The following ITGA9 variants were observed in gnomAD, a reference collection of about 807,000 sequenced individuals.
ITGA9 encodes the protein integrin alpha-9.
In ITGA9, 56 loss-of-function variants were observed where a neutral mutation model predicts 127.8. The ratio of observed to expected loss-of-function variants is 0.44; its 90% CI spans 0.35 to 0.55. The LOEUF (loss-of-function observed/expected upper bound fraction) is 0.55, where lower values mean the gene tolerates loss of function less well. Ranked by LOEUF, ITGA9 falls within the 20% of genes least tolerant of loss-of-function variation. ITGA9 has a pLI of 0.00. For synonymous variants in ITGA9, 508 were observed against 514.5 expected, an observed-to-expected ratio of 0.99 and a Z score of 0.17; for missense variants, 1,196 against 1,347.1, an observed-to-expected ratio of 0.89 and a Z score of 1.76.
At chr3:37,524,531 G>T (rs1699074304) in intron 12 of ITGA9, among the ~76,000 whole-genome samples, 1 of 152,186 alleles carries the variant, frequency 6.6e-6, no homozygotes, top group African/African-American at 2.4e-5. Context: ...TCCCAAGAAA[G>T]ACCCTTGTGG....
chr3:37,742,359 C>T (rs1049424404), intron 21 of ITGA9, among the ~76,000 whole-genome samples: 2 of 152,278 alleles, frequency 1.3e-5, no homozygotes, highest in African/African-American at 2.4e-5. Flanking sequence ...CTGGAATGGG[C>T]AGGGAACCAT....
At chr3:37,473,136 C>CAAAAAAAAAAAAAAAAA (rs36109791) in intron 2 of ITGA9, among the ~76,000 whole-genome samples, 6 of 70,776 alleles carry the variant, frequency 8.5e-5, no homozygotes, top group African/African-American at 2.4e-4. Context: ...GAGACTGTCT[C>CAAAAAAAAAAAAAAAAA]AAAAAAAAAA....
intron 15 of ITGA9, among the ~76,000 whole-genome samples, chr3:37,546,664 G>A (rs1205972046): frequency 6.6e-6 from 1 of 152,200 alleles, no homozygotes; most frequent in Admixed American, 6.5e-5. Flanking sequence ...TACTTGTCAG[G>A]CAGAACCTTG....
chr3:37,810,662 C>G (rs1372401290), intron 27 of ITGA9, among the ~76,000 whole-genome samples: 1 of 151,974 alleles, frequency 6.6e-6, no homozygotes, highest in African/African-American at 2.4e-5. Flanking sequence ...GTGATCCACC[C>G]ACCTTGGCCT....
At position 37,818,510 on chromosome 3, in the gene ITGA9, G is replaced by C. The variant is rs568929367; in HGVS notation, c.3010-381G>C. 13 of 256,188 alleles carry C rather than the reference G, an allele frequency of 5.1e-5. No homozygotes were observed. In the East Asian group the frequency reaches 1.2e-3, roughly 23 times the overall value. The allele number at this position is 256,188 out of a possible 1,614,324, so 15.9% of individuals were successfully genotyped here. ...ACTCCTGACCTCAAGTGATCTGCCT[G>C]TCTCAGCCTCCCAAAGTGCTGGGAT... On this transcript the variant is annotated intron_variant, in intron 27 of 27. Transcript: ENST00000264741.
chr3:37,452,468 C>A lies in ITGA9; in HGVS notation c.94C>A (p.Leu32Ile). The A allele has an allele frequency of 6.7e-7, 1 of 1,501,792 alleles. No individual in the cohort carries two copies. Among genetic ancestry groups the A allele is most frequent in the Non-Finnish European group, 8.9e-7 (1 of 1,124,658 alleles). 93.0% of individuals were successfully genotyped at this position (1,501,792 alleles called of 1,614,324 possible). The change falls in exon 1 of 28, where the codon CTC becomes ATC. Residue 32 changes from leucine to isoleucine, a missense_variant. Physicochemically the swap from Leu to Ile is conservative, Grantham distance 5. Transcript: ENST00000264741. The surrounding 1 kb of genome is among the most constrained non-coding windows in gnomAD (Gnocchi z 7.3). ...VAGIPAGAYN[L>I]DPQRPVHFQG... Reference sequence around the variant, plus strand: ...GGGGATCCCCGCGGGCGCCTACAACCTCGACCCGCAGCGCCCCGTGCACTT... The same window carrying A: ...GGGGATCCCCGCGGGCGCCTACAACATCGACCCGCAGCGCCCCGTGCACTT...
chr3:37,816,753 T>C (rs1466527143), intron 27 of ITGA9, among the ~76,000 whole-genome samples: 2 of 152,168 alleles, frequency 1.3e-5, no homozygotes, highest in East Asian at 3.9e-4. Flanking sequence ...GGTCTTATGC[T>C]GGGAAGAAAC....
intron 16 of ITGA9, among the ~76,000 whole-genome samples, chr3:37,634,653 G>A (rs1379485690): frequency 6.6e-6 from 1 of 152,134 alleles, no homozygotes; most frequent in Non-Finnish European, 1.5e-5. Context: ...ATTAATATTA[G>A]GGAATTTCAG....
At position 37,785,014 on chromosome 3, in the gene ITGA9, A is replaced by C; in HGVS notation, c.2825A>C (p.Lys942Thr). 1 of 1,614,148 alleles carries C rather than the reference A, an allele frequency of 6.2e-7. No individual in the cohort carries two copies. The highest frequency in any genetic ancestry group is 8.5e-7 in the Non-Finnish European group (1 of 1,180,004). ...GTCATCCAGTTCATGTCCCGCGCCA[A>C]GGTGAAGGTGGATCCTGCCCTAAGG... is the stretch of plus-strand genomic sequence containing the variant. ...SSVIQFMSRA[K>T]VKVDPALRVV... Residue 942 changes from lysine to threonine, a missense_variant, in exon 26 of 28, where the codon AAG (lysine) becomes ACG (threonine). By Grantham distance (78) the Lys-to-Thr change is moderately conservative. Coordinates refer to ENST00000264741, the MANE Select transcript of ITGA9 (RefSeq NM_002207.3).
At chr3:37,713,617 T>C (rs540004821) in intron 18 of ITGA9, among the ~76,000 whole-genome samples, 23 of 152,282 alleles carry the variant, frequency 1.5e-4, no homozygotes, top group African/African-American at 5.3e-4. Flanking sequence ...CTTTCAGCAC[T>C]CCCTCGTGAG....
intron 25 of ITGA9, among the ~76,000 whole-genome samples, chr3:37,781,073 CA>C (rs1461345917): frequency 1.3e-5 from 2 of 152,362 alleles, no homozygotes; most frequent in East Asian, 3.9e-4. Flanking sequence ...TCATTTTTAA[CA>C]CATTCCCCAG....
chr3:37,819,032 C>A lies in ITGA9; in HGVS notation c.*43C>A. On this transcript the variant is annotated 3_prime_UTR_variant, in exon 28 of 28. Coordinates refer to ENST00000264741, the MANE Select transcript of ITGA9 (RefSeq NM_002207.3). ...ATGACCTGATCACTAGCCTGTCATC[C>A]TTGGTCTTTGTATCTTCCATATTTG... 7.2e-7 allele frequency: 1 copy of A among 1,382,794 alleles called. No individual in the cohort carries two copies. The highest frequency in any genetic ancestry group is 1.0e-6 in the Non-Finnish European group (1 of 969,468). 85.7% of individuals were successfully genotyped at this position (1,382,794 alleles called of 1,614,324 possible).
chr3:37,764,760 C>G (rs909813806), intron 23 of ITGA9, among the ~76,000 whole-genome samples: 3 of 152,224 alleles, frequency 2.0e-5, no homozygotes, highest in Admixed American at 6.5e-5. Flanking sequence ...TCCCAGATGC[C>G]TTCACAGATG....
chr3:37,733,542 A>G (rs1468265122), intron 19 of ITGA9, among the ~76,000 whole-genome samples: 3 of 149,074 alleles, frequency 2.0e-5, no homozygotes, highest in Non-Finnish European at 4.4e-5. Context: ...AAAAAAAAAA[A>G]AAGTGAAAGC....
At chr3:37,510,230 C>T (rs1698887721) in intron 8 of ITGA9, among the ~76,000 whole-genome samples, 1 of 151,882 alleles carries the variant, frequency 6.6e-6, no homozygotes, top group African/African-American at 2.4e-5. Flanking sequence ...GTCTCAGACT[C>T]CTGGGCTCAA....
chr3:37,764,115 C>G lies in ITGA9; in HGVS notation c.2542-13277C>G, dbSNP rs72860961. 5.9e-3 allele frequency among the ~76,000 whole-genome samples: 894 copies of G among 152,266 alleles called. 11 individuals are homozygous for G. Among genetic ancestry groups the G allele is most frequent in the African/African-American group, 0.02 (840 of 41,544 alleles). On this transcript the variant is annotated intron_variant, in intron 23 of 27. Transcript: ENST00000264741. ...TCCACAATTCTCCATGCCCCATGAC[C>G]CTTTCTTAGCTAAAATGAAAAATAA...
intron 17 of ITGA9, among the ~76,000 whole-genome samples, chr3:37,666,863 G>A (rs535259299): frequency 3.3e-5 from 5 of 152,274 alleles, no homozygotes; most frequent in East Asian, 3.9e-4. Context: ...GCAGGGAAAC[G>A]TACCTCTTGG....
At chr3:37,525,401 C>CT (rs1699083567) in intron 12 of ITGA9, among the ~76,000 whole-genome samples, 1 of 151,976 alleles carries the variant, frequency 6.6e-6, no homozygotes, top group Non-Finnish European at 1.5e-5. Context: ...ATATTATCAG[C>CT]TTTTGAAGAA....
At chr3:37,563,065 T>G (rs910338401) in intron 15 of ITGA9, among the ~76,000 whole-genome samples, 1 of 152,134 alleles carries the variant, frequency 6.6e-6, no homozygotes, top group Non-Finnish European at 1.5e-5. Context: ...AAATGTTCAC[T>G]GAATGTTAGG....
Sources: allele counts gnomAD v4.1 joint callset (sites outside exome capture counted in the v4.1 genomes callset), GRCh38; gene constraint gnomAD v4.1.1; non-coding constraint Gnocchi (gnomAD v3.1); transcripts MANE v1.5; gene names NCBI Gene and HGNC (gene_info 2026-07-23, HGNC 2026-07-21).